The following PCDH11X variants were observed in gnomAD, a reference collection of about 807,000 sequenced individuals.
PCDH11X encodes protocadherin 11 X-linked.
A neutral mutation model predicts 53.3 loss-of-function variants in PCDH11X; 18 were observed. The ratio of observed to expected loss-of-function variants is 0.34; its 90% CI spans 0.23 to 0.50. The LOEUF is 0.50. Among genes scored for constraint, PCDH11X ranks in the 20% least tolerant of loss-of-function variants. PCDH11X has a pLI of 0.98. For synonymous variants in PCDH11X, 279 were observed against 393.3 expected, an observed-to-expected ratio of 0.71 and a Z score of 3.44; for missense variants, 570 against 1,032.4, an observed-to-expected ratio of 0.55 and a Z score of 6.14.
chrX:92,129,215 G>A (rs768419638), intron 6 of PCDH11X, among the ~76,000 whole-genome samples: 1 of 109,907 alleles, frequency 9.1e-6, no homozygotes, highest in Non-Finnish European at 1.9e-5. Context: ...ACATGGAGAA[G>A]CCCCTGTCTC....
chrX:92,238,499 G>GA (rs1243387512), intron 7 of PCDH11X, among the ~76,000 whole-genome samples: 2 of 110,464 alleles, frequency 1.8e-5, no homozygotes, highest in Non-Finnish European at 1.9e-5. Context: ...GGAGTTTAAG[G>GA]AAAAAAACAA....
chrX:92,499,865 GAAGAAAGA>G (rs886321067), intron 10 of PCDH11X, among the ~76,000 whole-genome samples: 4 of 105,450 alleles, frequency 3.8e-5, no homozygotes, highest in African/African-American at 1.4e-4. Flanking sequence ...AAGAAAGAAA[GAAGAAAGA>G]AAGAAAGAAA....
chrX:91,997,798 T>G (rs2147954862), intron 6 of PCDH11X, among the ~76,000 whole-genome samples: 1 of 111,836 alleles, frequency 8.9e-6, no homozygotes, highest in African/African-American at 3.2e-5. Flanking sequence ...GCTTATATTG[T>G]AATTTTGCTT....
intron 9 of PCDH11X, among the ~76,000 whole-genome samples, chrX:92,417,134 A>T (rs1231485534): frequency 1.8e-5 from 2 of 111,743 alleles, no homozygotes; most frequent in East Asian, 5.6e-4. Context: ...CTGTAGACAA[A>T]TGAGTGATTT....
intron 10 of PCDH11X, among the ~76,000 whole-genome samples, chrX:92,505,770 A>G (rs1006187018): frequency 9.0e-6 from 1 of 111,139 alleles, no homozygotes; most frequent in Admixed American, 9.6e-5. Context: ...TTGGAATAGC[A>G]TTGAATGTGT....
chrX:92,040,676 G>T (rs1380107091), intron 6 of PCDH11X, among the ~76,000 whole-genome samples: 1 of 109,896 alleles, frequency 9.1e-6, no homozygotes, highest in Non-Finnish European at 1.9e-5. Flanking sequence ...TTATGACATT[G>T]CTTTTTGTGT....
intron 8 of PCDH11X, among the ~76,000 whole-genome samples, chrX:92,276,357 G>A (rs926076356): frequency 2.8e-5 from 3 of 108,885 alleles, no homozygotes; most frequent in African/African-American, 1.0e-4. Context: ...GAAGGAGTCA[G>A]TCAGAGAGCC....
chrX:91,893,291 T>A (rs1394577205), intron 6 of PCDH11X, among the ~76,000 whole-genome samples: 2 of 110,349 alleles, frequency 1.8e-5, no homozygotes, highest in African/African-American at 6.6e-5. Flanking sequence ...AAAGGAAAAA[T>A]TTAATGCATT....
intron 6 of PCDH11X, among the ~76,000 whole-genome samples, chrX:91,991,392 A>T (rs1471725695): frequency 1.7e-5 from 1 of 59,872 alleles, no homozygotes; most frequent in Non-Finnish European, 3.0e-5. Context: ...CTTCCAGGTT[A>T]CTGGCTTTTC....
At chrX:91,988,349 A>G (rs2062259479) in intron 6 of PCDH11X, among the ~76,000 whole-genome samples, 1 of 111,729 alleles carries the variant, frequency 9.0e-6, no homozygotes, top group Non-Finnish European at 1.9e-5. Context: ...GGAATTGTTC[A>G]GTTAATATAT....
chrX:92,215,073 C>T (rs952466156), intron 7 of PCDH11X, among the ~76,000 whole-genome samples: 1 of 111,115 alleles, frequency 9.0e-6, no homozygotes, highest in Non-Finnish European at 1.9e-5. Context: ...GGGAAGCAGC[C>T]AAGATGGCCG....
intron 6 of PCDH11X, among the ~76,000 whole-genome samples, chrX:92,062,628 A>T (rs1336277353): frequency 8.9e-6 from 1 of 112,083 alleles, no homozygotes; most frequent in Non-Finnish European, 1.9e-5. Context: ...GAGAAATGCA[A>T]ATCAAAACCA....
At chrX:92,525,123 G>C (rs2074427052) in intron 10 of PCDH11X, among the ~76,000 whole-genome samples, 1 of 111,644 alleles carries the variant, frequency 9.0e-6, no homozygotes. Flanking sequence ...CTTAACCTTT[G>C]TATCTATGCA....
At position 92,077,407 on chromosome X, in the gene PCDH11X, G is replaced by A. The variant is rs907903162; in HGVS notation, c.3034-123968G>A. The stretch of plus-strand genomic sequence containing the variant: ...ATGACCATGTAGTATATGCAAAATT[G>A]TTTCCACTTCATGAACTTCAGTTTG... On this transcript the variant is annotated intron_variant, in intron 6 of 10. Coordinates refer to ENST00000682573, the MANE Select transcript of PCDH11X (RefSeq NM_032968.5). Among the ~76,000 whole-genome samples the A allele has an allele frequency of 8.3e-5, 9 of 107,907 alleles. 1 individual carries two copies. Among genetic ancestry groups the A allele is most frequent in the African/African-American group, 3.0e-4 (9 of 29,708 alleles). The allele number at this position is 107,907 out of a possible 115,157, so 93.7% of individuals were successfully genotyped here.
intron 8 of PCDH11X, among the ~76,000 whole-genome samples, chrX:92,370,709 C>G (rs2070601453): frequency 9.0e-6 from 1 of 111,475 alleles, no homozygotes; most frequent in Admixed American, 9.5e-5. Context: ...CCGCCCGCCT[C>G]AGCCTCCCAA....
At chrX:92,227,668 G>C (rs1380293058) in intron 7 of PCDH11X, among the ~76,000 whole-genome samples, 2 of 111,209 alleles carry the variant, frequency 1.8e-5, no homozygotes, top group African/African-American at 6.5e-5. Context: ...GACAGAAACA[G>C]ATTTGTAAGT....
intron 10 of PCDH11X, among the ~76,000 whole-genome samples, chrX:92,566,323 A>G (rs1874628654): frequency 9.2e-6 from 1 of 109,121 alleles, no homozygotes; most frequent in South Asian, 4.0e-4. Context: ...TGCAACAGCC[A>G]ACTATCAAAT....
intron 6 of PCDH11X, among the ~76,000 whole-genome samples, chrX:92,092,147 G>A (rs1203880807): frequency 9.0e-6 from 1 of 111,627 alleles, no homozygotes; most frequent in Non-Finnish European, 1.9e-5. Flanking sequence ...CCTTAGACAG[G>A]AATTTGGGCA....
Position 91,823,160 on chromosome X carries a change from A to G in PCDH11X, c.-45+11865A>G, listed in dbSNP as rs532429578. On this transcript the variant is annotated intron_variant, in intron 4 of 10. Coordinates refer to ENST00000682573, the MANE Select transcript of PCDH11X (RefSeq NM_032968.5). ...AAAAATGTATATTCTGTTGATTTGG[A>G]GTGGAGAGTTCTGTAGATGTCTATT... 6.4e-5 allele frequency among the ~76,000 whole-genome samples: 7 copies of G among 109,922 alleles called. No individual in the cohort carries two copies. The South Asian group carries it at 2.0e-3, about 31-fold the overall frequency.
Sources: gnomAD v4.1 joint callset for allele counts (sites outside exome capture counted in the v4.1 genomes callset) on GRCh38, gnomAD v4.1.1 for gene constraint, MANE v1.5 for transcripts, NCBI Gene and HGNC (gene_info 2026-07-23, HGNC 2026-07-21) for gene names.